HTT: variants seen among roughly 807,000 people sequenced by gnomAD.
HTT encodes the protein huntington disease protein.
In HTT, 104 loss-of-function variants were observed where a neutral mutation model predicts 362.3. The observed-to-expected ratio is 0.29, with a 90% CI of 0.24 to 0.34. HTT has a LOEUF of 0.34. HTT is among the 10% of genes least tolerant of loss of function. The pLI, the probability that HTT is intolerant of heterozygous loss-of-function variation, is 1.00. For synonymous variants in HTT, 1,577 were observed against 1,548.7 expected (o/e 1.02, Z -0.43); for missense variants, 3,301 against 3,928.6 (o/e 0.84, Z 4.27).
In HTT at chr4:3,241,883, G is replaced by T. The variant is rs1375020427; in HGVS notation, c.*1824G>T. The T allele has an allele frequency of 6.6e-6, 1 of 152,244 alleles. No homozygotes were observed. Among genetic ancestry groups the T allele is most frequent in the Non-Finnish European group, 1.5e-5 (1 of 68,052 alleles). 9.4% of individuals were successfully genotyped at this position (152,244 alleles called of 1,614,324 possible). Reference sequence around the variant, plus strand: ...GGCGGGGCAGCAGGAGCGGTAGAAAGGGGTCCGATGTTTGAGGAGGCCCTT... The same window carrying T: ...GGCGGGGCAGCAGGAGCGGTAGAAATGGGTCCGATGTTTGAGGAGGCCCTT... On this transcript the variant is annotated 3_prime_UTR_variant, in exon 67 of 67. Coordinates refer to ENST00000355072, the MANE Select transcript of HTT (RefSeq NM_001388492.1).
At chr4:3,193,330 A>G (rs1257846313) in intron 40 of HTT, among the ~76,000 whole-genome samples, 1 of 152,206 alleles carries the variant, frequency 6.6e-6, no homozygotes, top group Non-Finnish European at 1.5e-5. Flanking sequence ...TTCACTGACC[A>G]CTGTAATAAG....
At position 3,140,551 on chromosome 4, in the gene HTT, C is replaced by G. The variant is rs757672786; in HGVS notation, c.2840C>G (p.Ala947Gly). ...KLFYKCDQGQ[A>G]DPVVAVARDQ... ...TTTTATAAATGTGACCAAGGACAAG[C>G]TGATCCAGTAGTGGCCGTGGCAAGA... Residue 947 changes from alanine (A) to glycine (G), a missense_variant, in exon 22 of 67, where the codon GCT becomes GGT. Physicochemically the swap from Ala to Gly is moderately conservative, Grantham distance 60 (BLOSUM62 0). Coordinates refer to ENST00000355072, the MANE Select transcript of HTT (RefSeq NM_001388492.1). 5 of 1,613,950 alleles carry G rather than the reference C, an allele frequency of 3.1e-6. No homozygotes were observed. The highest frequency in any genetic ancestry group is 4.2e-6 in the Non-Finnish European group (5 of 1,179,916).
chr4:3,122,930 C>G lies in HTT; in HGVS notation c.1315C>G (p.Gln439Glu), dbSNP rs1346571395. The G allele has an allele frequency of 1.4e-5, 23 of 1,609,484 alleles. No homozygotes were observed. The highest frequency in any genetic ancestry group is 1.6e-5 in the Non-Finnish European group (19 of 1,177,802). The change falls in exon 10 of 67, where the codon CAA becomes GAA. Residue 439 changes from glutamine (Q) to glutamate (E), a missense_variant. Transcript: ENST00000355072. ...SSCSPVLSRK[Q>E]KGKVLLGEEE... is the part of the protein sequence containing the mutation. The stretch of plus-strand genomic sequence containing the variant: ...ATGCAGCCCTGTCCTTTCAAGAAAA[C>G]AAAAAGGTGATTATTTCAGAAATCA...
chr4:3,094,394 A>G (rs928060069), intron 2 of HTT, among the ~76,000 whole-genome samples: 2 of 152,148 alleles, frequency 1.3e-5, no homozygotes, highest in African/African-American at 4.8e-5. Context: ...CAAAACTGCC[A>G]CCGTCATCAT....
chr4:3,173,171 CGAAAGAGCA>C (rs757270768), intron 31 of HTT, 40 bp downstream of exon 31: 11 of 1,494,032 alleles, frequency 7.4e-6, no homozygotes, highest in Middle Eastern at 1.7e-4. Context: ...GGTGGAAGCA[CGAAAGAGCA>C]AGCAGGAAAT....
In HTT at chr4:3,188,822, A is replaced by G. The variant is rs978277610; in HGVS notation, c.5226-129A>G. On this transcript the variant is annotated intron_variant, in intron 39 of 66. Coordinates refer to ENST00000355072, the MANE Select transcript of HTT (RefSeq NM_001388492.1). Reference sequence around the variant, plus strand: ...CCACGGCGACGGCGCTCTGCATTTCACTTTAGCGGTTAATGTACTCTACCT... The same window carrying G: ...CCACGGCGACGGCGCTCTGCATTTCGCTTTAGCGGTTAATGTACTCTACCT... 15 of 864,742 alleles carry G rather than the reference A, an allele frequency of 1.7e-5. No homozygotes were observed. In the East Asian group the frequency reaches 2.6e-4, roughly 15 times the overall value. 53.6% of individuals were successfully genotyped at this position (864,742 alleles called of 1,614,324 possible). A position where few individuals can be genotyped will look rare whatever the true frequency, so the allele number is the denominator to read the frequency against.
intron 29 of HTT, among the ~76,000 whole-genome samples, chr4:3,169,448 T>G (rs1051297764): frequency 1.3e-5 from 2 of 152,158 alleles, no homozygotes; most frequent in African/African-American, 4.8e-5. Context: ...TTTTCAGTGT[T>G]TGATTGTTTT....
In HTT at chr4:3,175,120, T is replaced by C; in HGVS notation, c.4407+13T>C. The C allele has an allele frequency of 1.2e-6, 2 of 1,606,172 alleles. No homozygotes were observed. The highest frequency in any genetic ancestry group is 2.2e-5 in the East Asian group (1 of 44,794). On this transcript the variant is annotated intron_variant, in intron 33 of 66. Coordinates refer to ENST00000355072, the MANE Select transcript of HTT (RefSeq NM_001388492.1). ...GGATTCAGATCAGGTTTGTCACTTT[T>C]ATCTTTCATCCATCATACCTGTTCC... is the stretch of plus-strand genomic sequence containing the variant.
chr4:3,126,664 G>T (rs971267003), intron 11 of HTT, among the ~76,000 whole-genome samples: 8 of 152,298 alleles, frequency 5.3e-5, no homozygotes, highest in Admixed American at 4.6e-4. Flanking sequence ...ACTGCCCCAG[G>T]AGTGACCACT....
At chr4:3,140,722 G>T in intron 22 of HTT, 66 bp downstream of exon 22, 1 of 1,456,272 alleles carries the variant, frequency 6.9e-7, no homozygotes, top group Non-Finnish European at 9.4e-7. Context: ...CTTTCTTTAG[G>T]CTTTAATTGA....
In HTT at chr4:3,134,455, A is replaced by G; in HGVS notation, c.2548A>G (p.Ile850Val). ...CTACAGTGAGTTAGGACTGCAGCTGATCATCGATGTGCTGACTCTGAGGAA... is the reference window on the plus strand; with the variant it reads ...CTACAGTGAGTTAGGACTGCAGCTGGTCATCGATGTGCTGACTCTGAGGAA... ...SSYSELGLQL[I>V]IDVLTLRNSS... is the part of the protein sequence containing the mutation. The change falls in exon 19 of 67, where the codon ATC becomes GTC. Residue 850 changes from isoleucine to valine, a missense_variant. Physicochemically the swap from Ile to Val is conservative, Grantham distance 29. Around this residue, in one of 4 missense-constraint regions of HTT, gnomAD observed 2,316 missense variants for 2,658.5 expected, o/e 0.87. Coordinates refer to ENST00000355072, the MANE Select transcript of HTT (RefSeq NM_001388492.1). 3 of 1,613,972 alleles carry G rather than the reference A, an allele frequency of 1.9e-6. No individual in the cohort carries two copies. Among genetic ancestry groups the G allele is most frequent in the Non-Finnish European group, 2.5e-6 (3 of 1,179,828 alleles).
At chr4:3,169,774 A>G (rs1044356152) in intron 29 of HTT, among the ~76,000 whole-genome samples, 74 of 152,272 alleles carry the variant, frequency 4.9e-4, no homozygotes, top group African/African-American at 1.6e-3. Context: ...GGGTTTCACC[A>G]TGTTGGCCAA....
chr4:3,099,321 T>C lies in HTT; in HGVS notation c.395T>C (p.Phe132Ser). 1 of 1,614,104 alleles carries C rather than the reference T, an allele frequency of 6.2e-7. No homozygotes were observed. The highest frequency in any genetic ancestry group is 8.5e-7 in the Non-Finnish European group (1 of 1,179,942). ...QKLLGIAMEL[F>S]LLCSDDAESD... ...CTTCTGGGCATCGCTATGGAACTTTTTCTGCTGTGCAGTGATGACGCAGAG... is the reference window on the plus strand; with the variant it reads ...CTTCTGGGCATCGCTATGGAACTTTCTCTGCTGTGCAGTGATGACGCAGAG... Residue 132 changes from phenylalanine (F) to serine (S), a missense_variant, in exon 3 of 67, where the codon TTT becomes TCT. Transcript: ENST00000355072.
At chr4:3,080,476 A>ATAGTTCTTTATATAT (rs1291466578) in intron 1 of HTT, among the ~76,000 whole-genome samples, 23 of 152,106 alleles carry the variant, frequency 1.5e-4, no homozygotes, top group African/African-American at 5.3e-4. Context: ...TTGAATTGTA[A>ATAGTTCTTTATATAT]TAGTTCTTTA....
At chr4:3,082,057 C>A (rs1712941094) in intron 1 of HTT, among the ~76,000 whole-genome samples, 1 of 152,008 alleles carries the variant, frequency 6.6e-6, no homozygotes, top group Non-Finnish European at 1.5e-5. Context: ...TTTTAATATG[C>A]ATATACAAGC....
intron 26 of HTT, among the ~76,000 whole-genome samples, chr4:3,153,562 C>G (rs1221736553): frequency 2.0e-5 from 3 of 152,160 alleles, no homozygotes; most frequent in Non-Finnish European, 4.4e-5. Context: ...TGCTGGTAAC[C>G]AGCTGTGACC....
At chr4:3,119,327 C>A (rs1291571452) in intron 8 of HTT, among the ~76,000 whole-genome samples, 1 of 152,080 alleles carries the variant, frequency 6.6e-6, no homozygotes, top group Non-Finnish European at 1.5e-5. Flanking sequence ...AATTTGTGAT[C>A]CAAGTATGAA....
At chr4:3,121,532 C>G in intron 9 of HTT, 100 bp downstream of exon 9, 1 of 750,592 alleles carries the variant, frequency 1.3e-6, no homozygotes, top group Non-Finnish European at 2.2e-6. Flanking sequence ...AGTCTGCATT[C>G]CATCTTCCTT....
In HTT at chr4:3,139,639, G is replaced by A. The variant is rs557676362; in HGVS notation, c.2799-871G>A. 2.0e-5 allele frequency among the ~76,000 whole-genome samples: 3 copies of A among 152,332 alleles called. No homozygotes were observed. In the South Asian group the frequency reaches 6.2e-4, roughly 32 times the overall value. ...GTTTCTAAAAGTATTACTGAGTGTT[G>A]ATGGCAGATATGAACCCTTTTGTTT... On this transcript the variant is annotated intron_variant, in intron 21 of 66. Coordinates refer to ENST00000355072, the MANE Select transcript of HTT (RefSeq NM_001388492.1).
Sources: gnomAD v4.1 joint callset for allele counts (sites outside exome capture counted in the v4.1 genomes callset) on GRCh38, gnomAD v4.1.1 for gene constraint, gnomAD v4.1.1 regional missense constraint, MANE v1.5 for transcripts, NCBI Gene and HGNC (gene_info 2026-07-23, HGNC 2026-07-21) for gene names.